The following SGPL1 variants were observed in gnomAD, a reference collection of about 807,000 sequenced individuals.
The protein encoded by SGPL1 is sphingosine-1-phosphate lyase 1.
A neutral mutation model predicts 68.9 loss-of-function variants in SGPL1; 37 were observed. The observed-to-expected ratio is 0.54, with a 90% CI of 0.41 to 0.71. SGPL1 has a LOEUF of 0.71. SGPL1 is among the 30% of genes least tolerant of loss of function. The pLI is 0.00. For synonymous variants in SGPL1, 236 were observed against 248.5 expected, an observed-to-expected ratio of 0.95 and a Z score of 0.47; for missense variants, 551 against 704.6, an observed-to-expected ratio of 0.78 and a Z score of 2.47.
At chr10:70,833,321 G>A (rs1307805003) in intron 2 of SGPL1, among the ~76,000 whole-genome samples, 1 of 152,186 alleles carries the variant, frequency 6.6e-6, no homozygotes, top group African/African-American at 2.4e-5. Context: ...CTCAGATACT[G>A]GATCTCTTGA....
At chr10:70,864,787 G>A (rs1846149257) in intron 7 of SGPL1, among the ~76,000 whole-genome samples, 1 of 152,174 alleles carries the variant, frequency 6.6e-6, no homozygotes, top group Non-Finnish European at 1.5e-5. Context: ...CTTATGCACT[G>A]TGGGTGCTTC....
At chr10:70,866,151 C>T (rs1052390024) in intron 7 of SGPL1, 2 of 152,138 alleles carry the variant, frequency 1.3e-5, no homozygotes, top group Non-Finnish European at 2.9e-5. Flanking sequence ...CCATGGGAGG[C>T]TGAGGCAAGT....
At chr10:70,845,034 G>A (rs933904935) in intron 3 of SGPL1, among the ~76,000 whole-genome samples, 27 of 152,100 alleles carry the variant, frequency 1.8e-4, no homozygotes, top group Admixed American at 1.7e-3. Flanking sequence ...CACCGTGCCC[G>A]GCCCTGGTTT....
chr10:70,864,867 G>C (rs1846151308), intron 7 of SGPL1, among the ~76,000 whole-genome samples: 1 of 152,126 alleles, frequency 6.6e-6, no homozygotes, highest in African/African-American at 2.4e-5. Context: ...AGAATAACCA[G>C]GTCTATTCTG....
At chr10:70,848,704 C>A (rs1033775507) in intron 3 of SGPL1, among the ~76,000 whole-genome samples, 1 of 152,112 alleles carries the variant, frequency 6.6e-6, no homozygotes, top group Non-Finnish European at 1.5e-5. Flanking sequence ...TCTCCTGATC[C>A]GCCTGCCTTG....
chr10:70,866,814 C>T (rs1589472426), intron 7 of SGPL1: 1 of 152,158 alleles, frequency 6.6e-6, no homozygotes, highest in South Asian at 2.1e-4. Flanking sequence ...ATAAAGACTT[C>T]CTGAGTCAAA....
At position 70,878,561 on chromosome 10, in the gene SGPL1, G is replaced by A. The variant is rs1416088011; in HGVS notation, c.*1226G>A. 1 of 152,178 alleles carries A rather than the reference G, an allele frequency of 6.6e-6. No individual in the cohort carries two copies. The highest frequency in any genetic ancestry group is 6.5e-5 in the Admixed American group (1 of 15,270). 9.4% of individuals were successfully genotyped at this position (152,178 alleles called of 1,614,324 possible). On this transcript the variant is annotated 3_prime_UTR_variant, in exon 15 of 15. Transcript: ENST00000373202. ...AATATCAGAGTAGGATGAACACCCAGATTCAAATATGTCACCAAAGTTGGT... is the reference window on the plus strand; with the variant it reads ...AATATCAGAGTAGGATGAACACCCAAATTCAAATATGTCACCAAAGTTGGT...
chr10:70,823,156 G>A (rs1300051587), intron 2 of SGPL1, among the ~76,000 whole-genome samples: 2 of 151,944 alleles, frequency 1.3e-5, no homozygotes, highest in African/African-American at 2.4e-5. Context: ...CCCTTTCTCC[G>A]TCAATCTCTC....
intron 2 of SGPL1, among the ~76,000 whole-genome samples, chr10:70,822,166 G>T (rs780379597): frequency 6.6e-6 from 1 of 152,122 alleles, no homozygotes; most frequent in Non-Finnish European, 1.5e-5. Flanking sequence ...CTTGTGTCTT[G>T]TTTGTAGGAT....
chr10:70,842,614 T>G (rs11599687), intron 2 of SGPL1, among the ~76,000 whole-genome samples: 10,404 of 151,242 alleles, frequency 0.069, 486 homozygotes, highest in African/African-American at 0.098. Context: ...AGAAAGAGAG[T>G]GGGGGGAGGT....
At chr10:70,826,798 T>G (rs1395054177) in intron 2 of SGPL1, among the ~76,000 whole-genome samples, 1 of 152,220 alleles carries the variant, frequency 6.6e-6, no homozygotes, top group Non-Finnish European at 1.5e-5. Flanking sequence ...GTATTTTTAT[T>G]TTTGTGATTT....
At position 70,851,542 on chromosome 10, in the gene SGPL1, A is replaced by G. The variant is rs144754987; in HGVS notation, c.261+332A>G. On this transcript the variant is annotated intron_variant, in intron 4 of 14. Coordinates refer to ENST00000373202, the MANE Select transcript of SGPL1 (RefSeq NM_003901.4). ...GAACCCTGACTTAACCCTTTCTCCA[A>G]TGTAACTGGCCAAAGGAGAGATGAG... 5.3e-4 allele frequency among the ~76,000 whole-genome samples: 81 copies of G among 152,208 alleles called. No individual in the cohort carries two copies. In the East Asian group the frequency reaches 0.01, roughly 19 times the overall value.
chr10:70,849,308 T>C (rs1002595250), intron 3 of SGPL1, among the ~76,000 whole-genome samples: 2 of 152,236 alleles, frequency 1.3e-5, no homozygotes, highest in Non-Finnish European at 2.9e-5. Flanking sequence ...ATTATAGTCA[T>C]TTGATGAACT....
chr10:70,842,525 C>T (rs909402852), intron 2 of SGPL1, among the ~76,000 whole-genome samples: 39 of 152,204 alleles, frequency 2.6e-4, no homozygotes, highest in Admixed American at 7.8e-4. Context: ...CATCTGCTTC[C>T]GGTGAGACCT....
chr10:70,855,128 G>C (rs1845943773), intron 5 of SGPL1, among the ~76,000 whole-genome samples: 1 of 152,160 alleles, frequency 6.6e-6, no homozygotes, highest in South Asian at 2.1e-4. Context: ...TGTTTAAGAA[G>C]AGAGAATATA....
At chr10:70,867,542 A>G (rs1264341744) in intron 7 of SGPL1, among the ~76,000 whole-genome samples, 1 of 151,670 alleles carries the variant, frequency 6.6e-6, no homozygotes, top group East Asian at 1.9e-4. Flanking sequence ...AGCCTGGGCA[A>G]CAGAGTGAGA....
At chr10:70,824,916 C>G (rs1201054264) in intron 2 of SGPL1, among the ~76,000 whole-genome samples, 1 of 151,680 alleles carries the variant, frequency 6.6e-6, no homozygotes, top group Non-Finnish European at 1.5e-5. Flanking sequence ...CAGGTAGGCA[C>G]CAAGTTATCC....
At chr10:70,862,804 C>T (rs1449782663) in intron 7 of SGPL1, among the ~76,000 whole-genome samples, 2 of 152,168 alleles carry the variant, frequency 1.3e-5, no homozygotes, top group Non-Finnish European at 2.9e-5. Flanking sequence ...TCAGAAGGAA[C>T]AAACTCCAGA....
Position 70,879,400 on chromosome 10 carries a change from TGTG to T in SGPL1, c.*2066_*2068del. 1 of 153,554 alleles carries T rather than the reference TGTG, an allele frequency of 6.5e-6. No homozygotes were observed. Among genetic ancestry groups the T allele is most frequent in the Non-Finnish European group, 1.4e-5 (1 of 69,134 alleles). 9.5% of individuals were successfully genotyped at this position (153,554 alleles called of 1,614,324 possible). Reference sequence around the variant, plus strand: ...ATTTATGTGTGTGTGTGTGTGTGTGTGTGTTTTTCCTGTTTGCCCAGCAGTGCA... The same window carrying T: ...ATTTATGTGTGTGTGTGTGTGTGTGTTTTTTCCTGTTTGCCCAGCAGTGCA... On this transcript the variant is annotated 3_prime_UTR_variant, in exon 15 of 15. Coordinates refer to ENST00000373202, the MANE Select transcript of SGPL1 (RefSeq NM_003901.4).
Sources: allele counts gnomAD v4.1 joint callset (sites outside exome capture counted in the v4.1 genomes callset), GRCh38; gene constraint gnomAD v4.1.1; transcripts MANE v1.5; gene names NCBI Gene and HGNC (gene_info 2026-07-23, HGNC 2026-07-21).